Variants in ZDHHC11B observed in about 807,000 individuals in gnomAD.
The protein encoded by ZDHHC11B is probable palmitoyltransferase ZDHHC11B.
Under a neutral mutation model 42.3 loss-of-function variants are expected in ZDHHC11B, and 17 were observed. The observed-to-expected ratio is 0.40, with a 90% CI of 0.27 to 0.60. The LOEUF is 0.60. Among genes scored for constraint, ZDHHC11B ranks in the 20% least tolerant of loss-of-function variants. The probability of loss-of-function intolerance (pLI) is 0.41; values close to 1 mark genes in which losing one functional copy is unlikely to be tolerated. For missense variants in ZDHHC11B, 262 were observed against 463.2 expected (o/e 0.57, Z 3.99); for synonymous variants, 123 against 193.5 (o/e 0.64, Z 3.02).
At chr5:767,305 C>A in intron 3 of ZDHHC11B, 87 bp downstream of exon 3, 2 of 1,446,836 alleles carry the variant, frequency 1.4e-6, no homozygotes, top group South Asian at 2.4e-5. Context: ...CCTCTCCCCA[C>A]CCACACACAT....
At position 716,716 on chromosome 5, in the gene ZDHHC11B, G is replaced by T; in HGVS notation, c.*7+85C>A. ...CAGCCCAGCCCTTGAGTTTGCACTG[G>T]TGATTTTTTAAAGAAGATATTTCAC... On this transcript the variant is annotated intron_variant, in intron 13 of 13. Transcript: ENST00000508859. The T allele has an allele frequency of 5.1e-6, 8 of 1,562,986 alleles. 1 individual carries two copies. Among genetic ancestry groups the T allele is most frequent in the Non-Finnish European group, 8.8e-7 (1 of 1,137,522 alleles).
At chr5:761,773 C>G (rs1734644269) in intron 4 of ZDHHC11B, among the ~76,000 whole-genome samples, 1 of 149,584 alleles carries the variant, frequency 6.7e-6, no homozygotes, top group Non-Finnish European at 1.5e-5. Context: ...CACTGCTTCC[C>G]TAAATCCCTT....
chr5:726,005 G>A (rs1201164690), intron 12 of ZDHHC11B, among the ~76,000 whole-genome samples: 16 of 147,688 alleles, frequency 1.1e-4, no homozygotes, highest in African/African-American at 3.5e-4. Context: ...CTTCACACGC[G>A]AAATCCTGCT....
intron 11 of ZDHHC11B, among the ~76,000 whole-genome samples, chr5:730,769 G>T (rs1276384561): frequency 6.6e-6 from 1 of 151,678 alleles, no homozygotes; most frequent in African/African-American, 2.4e-5. Flanking sequence ...GTTAGATGAG[G>T]CTACTAGAGT....
At chr5:767,548 G>A (rs452764) in intron 2 of ZDHHC11B, 24 bp from the exon 3 acceptor site, 471,231 of 1,367,472 alleles carry the variant, frequency 0.34, 69,787 homozygotes, top group East Asian at 0.5. Context: ...GAGAAAGAGA[G>A]CATCACTGGA....
chr5:777,976 CG>C (rs1736680784), intron 1 of ZDHHC11B, among the ~76,000 whole-genome samples: 2 of 151,864 alleles, frequency 1.3e-5, no homozygotes, highest in African/African-American at 2.4e-5. Context: ...AGCAGGGAGG[CG>C]GCTGAGGCCC....
chr5:770,527 G>A (rs1179308469), intron 1 of ZDHHC11B, among the ~76,000 whole-genome samples: 3 of 151,452 alleles, frequency 2.0e-5, no homozygotes, highest in South Asian at 2.1e-4. Context: ...TCCTGTGGAC[G>A]CCCGCTCTGC....
At chr5:750,927 C>G (rs1745538044) in intron 7 of ZDHHC11B, among the ~76,000 whole-genome samples, 1 of 117,604 alleles carries the variant, frequency 8.5e-6, no homozygotes, top group African/African-American at 2.7e-5. Flanking sequence ...CAGCGCCCTC[C>G]CCGAGCCTGC....
At chr5:716,193 G>A (rs573279273) in intron 13 of ZDHHC11B, among the ~76,000 whole-genome samples, 1 of 151,250 alleles carries the variant, frequency 6.6e-6, no homozygotes, top group African/African-American at 2.4e-5. Flanking sequence ...AGTGGAGGGA[G>A]AGCATGCCCC....
chr5:783,471 G>A (rs1189595456), intron 1 of ZDHHC11B, among the ~76,000 whole-genome samples: 2 of 143,736 alleles, frequency 1.4e-5, no homozygotes, highest in Non-Finnish European at 3.1e-5. Flanking sequence ...CTCCCCCTGA[G>A]AAGTCAGGCG....
At chr5:747,042 A>T in intron 8 of ZDHHC11B, among the ~76,000 whole-genome samples, 1 of 108,306 alleles carries the variant, frequency 9.2e-6, no homozygotes, top group African/African-American at 3.1e-5. Flanking sequence ...AAAAGCCTTC[A>T]TAGGTGGTAA....
At position 749,370 on chromosome 5, in the gene ZDHHC11B, G is replaced by A; in HGVS notation, c.629-811C>T. 1.5e-5 allele frequency among the ~76,000 whole-genome samples: 2 copies of A among 129,674 alleles called. 1 individual carries two copies. The allele number at this position is 129,674 out of a possible 152,430, so 85.1% of individuals were successfully genotyped here. A position where few individuals can be genotyped will look rare whatever the true frequency, so the allele number is the denominator to read the frequency against. On this transcript the variant is annotated intron_variant, in intron 7 of 13. Coordinates refer to ENST00000508859, the MANE Select transcript of ZDHHC11B (RefSeq NM_001351303.2). ...GCAGAGGGCCAGGCAAGGCAGAATG[G>A]CAGAGGGTCGGGCAAGGCAGAATGG...
At chr5:777,778 G>C (rs1012977133) in intron 1 of ZDHHC11B, among the ~76,000 whole-genome samples, 1 of 151,972 alleles carries the variant, frequency 6.6e-6, no homozygotes, top group Non-Finnish European at 1.5e-5. Flanking sequence ...ATCGGATCCT[G>C]AGCCCCGCAG....
At chr5:714,448 C>G (rs1188881362) in intron 13 of ZDHHC11B, among the ~76,000 whole-genome samples, 1 of 142,784 alleles carries the variant, frequency 7.0e-6, no homozygotes, top group Non-Finnish European at 1.5e-5. Flanking sequence ...AACTCTAAGA[C>G]GTTATCACAG....
intron 9 of ZDHHC11B, among the ~76,000 whole-genome samples, chr5:742,190 T>G (rs418755): frequency 7.4e-6 from 1 of 134,910 alleles, no homozygotes; most frequent in South Asian, 2.7e-4. Context: ...TGTAGAGATG[T>G]TCAGGCTGGT....
chr5:741,915 C>CTCTAGCAAAAA (rs1744201147), intron 9 of ZDHHC11B, among the ~76,000 whole-genome samples: 1 of 56,228 alleles, frequency 1.8e-5, no homozygotes, highest in Non-Finnish European at 4.0e-5. Flanking sequence ...ATTTAACTCC[C>CTCTAGCAAAAA]ACGCAGGAGA....
intron 1 of ZDHHC11B, among the ~76,000 whole-genome samples, chr5:772,013 C>G (rs1308219651): frequency 6.6e-6 from 1 of 151,856 alleles, no homozygotes; most frequent in Non-Finnish European, 1.5e-5. Flanking sequence ...TGGAGGTTGG[C>G]CTTGGAGGGC....
rs190659517 is a variant in ZDHHC11B, at chr5:744,216, A to G, written c.900+967T>C. On this transcript the variant is annotated intron_variant, in intron 9 of 13. Coordinates refer to ENST00000508859, the MANE Select transcript of ZDHHC11B (RefSeq NM_001351303.2). ...GCACAGTCCTGCCCCATGCTGCTCG[A>G]TTTGGTTTCCCAAGGTCTTATCAGT... 1.4e-3 allele frequency among the ~76,000 whole-genome samples: 203 copies of G among 149,892 alleles called. 13 individuals carry two copies. The highest frequency in any genetic ancestry group is 3.8e-4 in the Non-Finnish European group (26 of 67,594).
intron 4 of ZDHHC11B, among the ~76,000 whole-genome samples, chr5:764,398 G>A (rs1437014445): frequency 6.7e-6 from 1 of 149,964 alleles, no homozygotes; most frequent in Admixed American, 6.7e-5. Context: ...GAGAGGCACA[G>A]GCGGGAACCC....
Sources: allele counts gnomAD v4.1 joint callset (sites outside exome capture counted in the v4.1 genomes callset), GRCh38; gene constraint gnomAD v4.1.1; transcripts MANE v1.5; gene names NCBI Gene and HGNC (gene_info 2026-07-23, HGNC 2026-07-21).